KCTD8: variants seen among roughly 807,000 people sequenced by gnomAD.
KCTD8 encodes the protein potassium channel tetramerization domain containing 8, also known as BTB/POZ domain-containing protein KCTD8.
Under a neutral mutation model 31.5 loss-of-function variants are expected in KCTD8, and 27 were observed. That is an observed-to-expected ratio of 0.86 (90% CI 0.63 to 1.18). The LOEUF (loss-of-function observed/expected upper bound fraction) is 1.18, where lower values mean the gene tolerates loss of function less well. Among genes scored for constraint, KCTD8 ranks in the 50% most tolerant of loss-of-function variants. KCTD8 has a pLI of 0.00. For synonymous variants in KCTD8, 290 were observed against 280.0 expected, an observed-to-expected ratio of 1.04 and a Z score of -0.36; for missense variants, 658 against 647.7, an observed-to-expected ratio of 1.02 and a Z score of -0.17.
intron 1 of KCTD8, among the ~76,000 whole-genome samples, chr4:44,304,137 C>G (rs753702374): frequency 2.0e-5 from 3 of 152,048 alleles, no homozygotes; most frequent in Non-Finnish European, 4.4e-5. Flanking sequence ...CTCTGAGTGA[C>G]CATCTACATT....
At chr4:44,415,583 G>A (rs1452156385) in intron 1 of KCTD8, among the ~76,000 whole-genome samples, 1 of 152,170 alleles carries the variant, frequency 6.6e-6, no homozygotes, top group Non-Finnish European at 1.5e-5. Flanking sequence ...GTGCAGCCTT[G>A]GGACACTGCT....
chr4:44,426,843 T>C (rs1721362002), intron 1 of KCTD8, among the ~76,000 whole-genome samples: 2 of 151,758 alleles, frequency 1.3e-5, no homozygotes, highest in South Asian at 4.1e-4. Flanking sequence ...AGCATTATAT[T>C]CATTCCAAAA....
intron 1 of KCTD8, among the ~76,000 whole-genome samples, chr4:44,221,837 C>T (rs769459530): frequency 2.0e-5 from 3 of 151,966 alleles, no homozygotes; most frequent in Non-Finnish European, 2.9e-5. Flanking sequence ...TCTCCCAATT[C>T]ACTGACTCAA....
intron 1 of KCTD8, among the ~76,000 whole-genome samples, chr4:44,233,413 T>C (rs1257341029): frequency 6.6e-6 from 1 of 152,196 alleles, no homozygotes; most frequent in African/African-American, 2.4e-5. Context: ...TTAAGTAGCT[T>C]CCTAATTCAT....
intron 1 of KCTD8, among the ~76,000 whole-genome samples, chr4:44,344,984 CTTTG>C (rs1204866060): frequency 6.6e-6 from 1 of 151,914 alleles, no homozygotes; most frequent in Non-Finnish European, 1.5e-5. Flanking sequence ...TTTTTTGTTT[CTTTG>C]TTCTTTCATC....
intron 1 of KCTD8, among the ~76,000 whole-genome samples, chr4:44,372,601 AC>A (rs949482309): frequency 1.3e-5 from 2 of 152,070 alleles, no homozygotes; most frequent in African/African-American, 4.8e-5. Context: ...ATGTAAAGAA[AC>A]CTTTTTTTTT....
intron 1 of KCTD8, among the ~76,000 whole-genome samples, chr4:44,317,577 G>A (rs1462978773): frequency 2.0e-5 from 3 of 152,096 alleles, no homozygotes; most frequent in East Asian, 3.9e-4. Flanking sequence ...TTGAGTAGTT[G>A]TAACTACAAA....
chr4:44,226,104 A>G (rs1235984181), intron 1 of KCTD8, among the ~76,000 whole-genome samples: 1 of 152,118 alleles, frequency 6.6e-6, no homozygotes, highest in Non-Finnish European at 1.5e-5. Context: ...TTGGGATTAC[A>G]GGCGTGAGCC....
chr4:44,365,669 C>T (rs185101989), intron 1 of KCTD8, among the ~76,000 whole-genome samples: 4 of 152,210 alleles, frequency 2.6e-5, no homozygotes, highest in Admixed American at 6.5e-5. Context: ...ATCACCCAAA[C>T]GGATAAAGAT....
Position 44,447,696 on chromosome 4 carries a change from C to T in KCTD8, c.828G>A (p.Leu276=). 3 of 1,612,530 alleles carry T rather than the reference C, an allele frequency of 1.9e-6. No homozygotes were observed. The highest frequency in any genetic ancestry group is 2.5e-6 in the Non-Finnish European group (3 of 1,179,402). ...CGGACAGGCGATCAAAGGCCTGCTCCAAGTAGGTGAACTTGAGGTAGAAGC... is the reference window on the plus strand; with the variant it reads ...CGGACAGGCGATCAAAGGCCTGCTCTAAGTAGGTGAACTTGAGGTAGAAGC... ...TSRFYLKFTY[L]EQAFDRLSEA... Residue 276 remains leucine (L), a synonymous_variant, in exon 1 of 2, where the codon TTG becomes TTA. Transcript: ENST00000360029.
At chr4:44,222,189 G>A (rs1360174073) in intron 1 of KCTD8, among the ~76,000 whole-genome samples, 1 of 152,176 alleles carries the variant, frequency 6.6e-6, no homozygotes, top group Admixed American at 6.5e-5. Context: ...TTATTATAGA[G>A]GTTAGTCATT....
intron 1 of KCTD8, among the ~76,000 whole-genome samples, chr4:44,343,334 A>G: frequency 6.6e-6 from 1 of 152,226 alleles, no homozygotes; most frequent in East Asian, 1.9e-4. Context: ...CAGTCAGTAC[A>G]GCAGTTAGAA....
chr4:44,231,238 C>A (rs966225742), intron 1 of KCTD8, among the ~76,000 whole-genome samples: 5 of 152,142 alleles, frequency 3.3e-5, no homozygotes, highest in African/African-American at 9.7e-5. Context: ...TTTCTCCCCC[C>A]AGGCCCTATC....
In KCTD8 at chr4:44,174,985, G is replaced by C; in HGVS notation, c.1227C>G (p.Asn409Lys). 6.2e-7 allele frequency: 1 copy of C among 1,614,114 alleles called. No individual in the cohort carries two copies. Among genetic ancestry groups the C allele is most frequent in the Non-Finnish European group, 8.5e-7 (1 of 1,179,992 alleles). Residue 409 changes from asparagine to lysine, a missense_variant, in exon 2 of 2, where the codon AAC becomes AAG. Asn to Lys is a moderately conservative substitution (Grantham distance 94). Transcript: ENST00000360029. ...QWIPPPDKRRNSELFQTLISK... is the reference protein window; with the variant it reads ...QWIPPPDKRRKSELFQTLISK... ...TGATGAGGGTCTGAAAGAGTTCACT[G>C]TTTCTGCGTTTGTCTGGTGGGGGTA...
intron 1 of KCTD8, among the ~76,000 whole-genome samples, chr4:44,366,983 G>C (rs1719655342): frequency 6.6e-6 from 1 of 152,072 alleles, no homozygotes. Context: ...TTAAAGCCCT[G>C]CATGAGTGGC....
In KCTD8 at chr4:44,405,241, T is replaced by TTTTGTTTG. The variant is rs113965031; in HGVS notation, c.961+42314_961+42321dup. On this transcript the variant is annotated intron_variant, in intron 1 of 1. Transcript: ENST00000360029. The stretch of plus-strand genomic sequence containing the variant: ...GACAAAGCTTTGATCAGCCAGGTGT[T>TTTTGTTTG]TTTGTTTGTTTGTTTGTTTGTTTGT... Among the ~76,000 whole-genome samples the TTTTGTTTG allele has an allele frequency of 8.6e-3, 1,288 of 149,400 alleles. 10 individuals are homozygous for TTTTGTTTG. The highest frequency in any genetic ancestry group is 0.034 in the Middle Eastern group (10 of 290).
At position 44,271,939 on chromosome 4, in the gene KCTD8, C is replaced by T. The variant is rs538873581; in HGVS notation, c.962-96689G>A. On this transcript the variant is annotated intron_variant, in intron 1 of 1. Transcript: ENST00000360029. ...TGTGTGTGTCTTTAATCCTCTAGTG[C>T]CGCTGGGTTAGGGTCTCCCCAACCA... Among the ~76,000 whole-genome samples, 105 of 151,982 alleles carry T rather than the reference C, an allele frequency of 6.9e-4. 1 individual carries two copies. Among genetic ancestry groups the T allele is most frequent in the African/African-American group, 2.4e-3 (100 of 41,434 alleles).
At chr4:44,367,106 T>G (rs1719657638) in intron 1 of KCTD8, among the ~76,000 whole-genome samples, 1 of 152,172 alleles carries the variant, frequency 6.6e-6, no homozygotes, top group African/African-American at 2.4e-5. Flanking sequence ...CTACGGGCTC[T>G]TCACGCAGGC....
At chr4:44,194,983 G>A (rs1713895678) in intron 1 of KCTD8, among the ~76,000 whole-genome samples, 2 of 150,808 alleles carry the variant, frequency 1.3e-5, no homozygotes, top group African/African-American at 4.9e-5. Flanking sequence ...AGCCTCCCAA[G>A]TAGCTGGGAT....
Sources: allele counts gnomAD v4.1 joint callset (sites outside exome capture counted in the v4.1 genomes callset), GRCh38; gene constraint gnomAD v4.1.1; transcripts MANE v1.5; gene names NCBI Gene and HGNC (gene_info 2026-07-23, HGNC 2026-07-21).